HSPA1A: variants seen among roughly 807,000 people sequenced by gnomAD.
HSPA1A encodes heat shock 70 kDa protein 1A.
In HSPA1A, 5 loss-of-function variants were observed where a neutral mutation model predicts 8.8. That is an observed-to-expected ratio of 0.57 (90% CI 0.30 to 1.19). The LOEUF is 1.19. Ranked by LOEUF, HSPA1A falls within the 50% of genes most tolerant of loss-of-function variation. HSPA1A has a pLI of 0.08. For missense variants in HSPA1A, 207 were observed against 430.7 expected, an observed-to-expected ratio of 0.48 and a Z score of 4.60; for synonymous variants, 112 against 188.4, an observed-to-expected ratio of 0.59 and a Z score of 3.32.
chr6:31,815,660 T>A lies in HSPA1A; in HGVS notation c.-97T>A. ...GCTGCAGGCACCGGCGCGTCGAGTTTCCGGCGTCCGGAAGGACCGAGCTCT... is the reference window on the plus strand; with the variant it reads ...GCTGCAGGCACCGGCGCGTCGAGTTACCGGCGTCCGGAAGGACCGAGCTCT... On this transcript the variant is annotated 5_prime_UTR_variant, in exon 1 of 1. Transcript: ENST00000375651. 3.1e-6 allele frequency: 5 copies of A among 1,612,932 alleles called. No homozygotes were observed. Among genetic ancestry groups the A allele is most frequent in the Non-Finnish European group, 4.2e-6 (5 of 1,179,864 alleles).
At position 31,817,914 on chromosome 6, in the gene HSPA1A, C is replaced by A; in HGVS notation, c.*232C>A. ...CTCAGGCCATTTTTTAAGTTGGTTA[C>A]TTCAAAGTAAATAAACTTTAAAATT... On this transcript the variant is annotated 3_prime_UTR_variant, in exon 1 of 1. Coordinates refer to ENST00000375651, the MANE Select transcript of HSPA1A (RefSeq NM_005345.6). The A allele has an allele frequency of 7.0e-7, 1 of 1,421,174 alleles. No individual in the cohort carries two copies. Among genetic ancestry groups the A allele is most frequent in the Non-Finnish European group, 9.2e-7 (1 of 1,087,708 alleles). 88.0% of individuals were successfully genotyped at this position (1,421,174 alleles called of 1,614,324 possible).
rs1815932409 is a variant in HSPA1A at position 31,815,965 on chromosome 6, C to CTGAACCCGCAGAACACCCGCA, written c.209_210insTGAACCCGCAGAACACCCGCA (p.Ala70_Lys71insGluProAlaGluHisProGln). The CTGAACCCGCAGAACACCCGCA allele has an allele frequency of 6.7e-7, 1 of 1,496,418 alleles. No homozygotes were observed. The highest frequency in any genetic ancestry group is 2.1e-5 in the Admixed American group (1 of 48,048). The allele number at this position is 1,496,418 out of a possible 1,614,324, so 92.7% of individuals were successfully genotyped here. A position where few individuals can be genotyped will look rare whatever the true frequency, so the allele number is the denominator to read the frequency against. ...AACCCGCAGAACACCGTGTTTGACG[C>CTGAACCCGCAGAACACCCGCA]GAAGCGGCTGATTGGCCGCAAGTTC... On this transcript the variant is annotated inframe_insertion, in exon 1 of 1. Coordinates refer to ENST00000375651, the MANE Select transcript of HSPA1A (RefSeq NM_005345.6).
Sources: gnomAD v4.1 joint callset for allele counts on GRCh38, gnomAD v4.1.1 for gene constraint, MANE v1.5 for transcripts, NCBI Gene and HGNC (gene_info 2026-07-23, HGNC 2026-07-21) for gene names.